UBAP2: variants seen among roughly 807,000 people sequenced by gnomAD.
The protein encoded by UBAP2 is ubiquitin-associated protein 2.
UBAP2 carries 75 observed loss-of-function variants against 139.6 expected under a neutral mutation model. The ratio of observed to expected loss-of-function variants is 0.54; its 90% CI spans 0.45 to 0.65. The LOEUF is 0.65. UBAP2 is among the 30% of genes least tolerant of loss of function. The pLI is 0.00. For missense variants in UBAP2, 1,368 were observed against 1,369.6 expected, an observed-to-expected ratio of 1.00 and a Z score of 0.02; for synonymous variants, 526 against 526.2, an observed-to-expected ratio of 1.00 and a Z score of 0.01.
intron 7 of UBAP2, among the ~76,000 whole-genome samples, chr9:33,972,465 T>A (rs889684584): frequency 3.9e-5 from 6 of 152,202 alleles, no homozygotes; most frequent in African/African-American, 1.4e-4. Context: ...GCAGATTGCA[T>A]GAGGCACCAC....
At position 33,948,371 on chromosome 9, in the gene UBAP2, T is replaced by TC; in HGVS notation, c.1270+2_1270+3insG. Reference sequence around the variant, plus strand: ...GGCAAACCCACAAACAATGTATACCTACCAAGATGACTGAGGACTGAGGAC... The same window carrying TC: ...GGCAAACCCACAAACAATGTATACCTCACCAAGATGACTGAGGACTGAGGAC... On this transcript the variant is annotated splice_region_variant and intron_variant, in intron 13 of 28. Coordinates refer to ENST00000379238, the MANE Select transcript of UBAP2 (RefSeq NM_001370062.2). The TC allele has an allele frequency of 5.6e-6, 9 of 1,605,302 alleles. No homozygotes were observed. Among genetic ancestry groups the TC allele is most frequent in the Non-Finnish European group, 7.7e-6 (9 of 1,173,942 alleles).
At chr9:34,038,018 A>C (rs1246866782) in intron 1 of UBAP2, among the ~76,000 whole-genome samples, 1 of 140,092 alleles carries the variant, frequency 7.1e-6, no homozygotes, top group Non-Finnish European at 1.6e-5. Context: ...AAAAAAAAAA[A>C]ATTAGCTAGG....
At position 34,032,750 on chromosome 9, in the gene UBAP2, C is replaced by T. The variant is rs1389027122; in HGVS notation, c.-41-15561G>A. ...ATCAGCCTGGCCAACATGTCAAAACCCTATCTTTACAAACAATACAAAAAT... is the reference window on the plus strand; with the variant it reads ...ATCAGCCTGGCCAACATGTCAAAACTCTATCTTTACAAACAATACAAAAAT... On this transcript the variant is annotated intron_variant, in intron 1 of 28. Coordinates refer to ENST00000379238, the MANE Select transcript of UBAP2 (RefSeq NM_001370062.2). Among the ~76,000 whole-genome samples the T allele has an allele frequency of 7.1e-4, 108 of 152,060 alleles. 1 individual carries two copies. Among genetic ancestry groups the T allele is most frequent in the Non-Finnish European group, 1.5e-5 (1 of 67,986 alleles).
chr9:33,988,069 C>T (rs1821365898), intron 5 of UBAP2, among the ~76,000 whole-genome samples: 1 of 152,214 alleles, frequency 6.6e-6, no homozygotes, highest in Non-Finnish European at 1.5e-5. Flanking sequence ...TGGCAACCCA[C>T]TTAAATTTGC....
At chr9:33,935,609 C>A in intron 17 of UBAP2, 1 of 581,134 alleles carries the variant, frequency 1.7e-6, no homozygotes, top group South Asian at 2.0e-5. Context: ...ACTTGTGGTG[C>A]AGTCTGATTA....
chr9:33,995,543 A>ATATATAAATATATT lies in UBAP2; in HGVS notation c.288+679_288+680insAATATATTTATATA, dbSNP rs1310871728. 895 of 123,604 alleles carry ATATATAAATATATT rather than the reference A, an allele frequency of 7.2e-3. 13 individuals carry two copies. The highest frequency in any genetic ancestry group is 0.027 in the Middle Eastern group (7 of 256). The allele number at this position is 123,604 out of a possible 1,614,324, so 7.7% of individuals were successfully genotyped here. A position where few individuals can be genotyped will look rare whatever the true frequency, so the allele number is the denominator to read the frequency against. On this transcript the variant is annotated intron_variant, in intron 4 of 28. Transcript: ENST00000379238. ...TATATAAATATATTTATATTATTAA[A>ATATATAAATATATT]TATATTATTAAATAATTTAATTTAA...
chr9:34,039,229 A>AG (rs1212796758), intron 1 of UBAP2, among the ~76,000 whole-genome samples: 15 of 142,978 alleles, frequency 1.0e-4, no homozygotes, highest in South Asian at 2.3e-4. Flanking sequence ...CCCGTTGGGG[A>AG]GTTGGGGGGC....
At chr9:34,032,248 T>TCC (rs1825951129) in intron 1 of UBAP2, among the ~76,000 whole-genome samples, 1 of 152,146 alleles carries the variant, frequency 6.6e-6, no homozygotes, top group African/African-American at 2.4e-5. Context: ...GCTGCAGGAA[T>TCC]CCCCATCTAT....
At chr9:33,977,717 C>G (rs1820278328) in intron 6 of UBAP2, among the ~76,000 whole-genome samples, 1 of 150,442 alleles carries the variant, frequency 6.6e-6, no homozygotes, top group Admixed American at 6.6e-5. Context: ...GGCTGGAGTG[C>G]AGTGGCGTAA....
intron 8 of UBAP2, among the ~76,000 whole-genome samples, chr9:33,969,180 T>C (rs1313782472): frequency 6.6e-6 from 1 of 152,224 alleles, no homozygotes; most frequent in East Asian, 1.9e-4. Context: ...TCAATCTTTT[T>C]GTACAAGATT....
intron 6 of UBAP2, among the ~76,000 whole-genome samples, chr9:33,980,220 C>CTTTCTTTTTTTTTTTTTTTTTTTTT (rs1820522954): frequency 2.0e-5 from 1 of 49,086 alleles, no homozygotes; most frequent in Non-Finnish European, 3.6e-5. Flanking sequence ...AGTGTCATTT[C>CTTTCTTTTTTTTTTTTTTTTTTTTT]TTTTTTTTTT....
intron 4 of UBAP2, among the ~76,000 whole-genome samples, chr9:33,993,976 CCT>C (rs1821936717): frequency 1.3e-5 from 2 of 149,988 alleles, no homozygotes; most frequent in Non-Finnish European, 3.0e-5. Context: ...CTCACTACAA[CCT>C]CTGCTTCCCG....
At chr9:34,025,111 T>C (rs78357135) in intron 1 of UBAP2, among the ~76,000 whole-genome samples, 1 of 152,280 alleles carries the variant, frequency 6.6e-6, no homozygotes, top group Non-Finnish European at 1.5e-5. Flanking sequence ...GACTGAGACA[T>C]GGAAACTAGA....
At chr9:34,014,226 A>G (rs1824035716) in intron 2 of UBAP2, among the ~76,000 whole-genome samples, 1 of 148,542 alleles carries the variant, frequency 6.7e-6, no homozygotes, top group South Asian at 2.2e-4. Context: ...GCTGGGGAGG[A>G]TAAGACAGGA....
In UBAP2 at chr9:33,922,061, A is replaced by G. The variant is rs940926143; in HGVS notation, c.*443T>C. On this transcript the variant is annotated 3_prime_UTR_variant, in exon 29 of 29. Transcript: ENST00000379238. ...AGAGGTATGAAGTAATTACACAGGAAAGAAAACAATTTCCAAAGGAGTGAG... is the reference window on the plus strand; with the variant it reads ...AGAGGTATGAAGTAATTACACAGGAGAGAAAACAATTTCCAAAGGAGTGAG... The G allele has an allele frequency of 4.4e-5, 7 of 160,396 alleles. No homozygotes were observed. The highest frequency in any genetic ancestry group is 6.4e-5 in the Admixed American group (1 of 15,696). 9.9% of individuals were successfully genotyped at this position (160,396 alleles called of 1,614,324 possible). A position where few individuals can be genotyped will look rare whatever the true frequency, so the allele number is the denominator to read the frequency against.
intron 10 of UBAP2, among the ~76,000 whole-genome samples, chr9:33,957,065 G>A (rs1194950633): frequency 6.6e-6 from 1 of 151,440 alleles, no homozygotes; most frequent in Non-Finnish European, 1.5e-5. Context: ...CTCCAGCCTA[G>A]GGGACAAAGT....
intron 16 of UBAP2, among the ~76,000 whole-genome samples, chr9:33,939,122 C>G (rs72727344): frequency 0.079 from 11,854 of 150,242 alleles, 674 homozygotes; most frequent in Non-Finnish European, 0.12. Flanking sequence ...GATTTTATGT[C>G]TCATTAGAGG....
intron 2 of UBAP2, among the ~76,000 whole-genome samples, chr9:34,009,228 A>C (rs971698636): frequency 6.6e-6 from 1 of 151,530 alleles, no homozygotes; most frequent in Non-Finnish European, 1.5e-5. Context: ...CCCTTCAAGT[A>C]GCTGGGATTA....
chr9:34,040,064 C>T (rs953696573), intron 1 of UBAP2, among the ~76,000 whole-genome samples: 7 of 151,470 alleles, frequency 4.6e-5, no homozygotes, highest in Admixed American at 1.3e-4. Flanking sequence ...GAGGCTGAGG[C>T]AGGAGAATCA....
Sources: allele counts gnomAD v4.1 joint callset (sites outside exome capture counted in the v4.1 genomes callset), GRCh38; gene constraint gnomAD v4.1.1; transcripts MANE v1.5; gene names NCBI Gene and HGNC (gene_info 2026-07-23, HGNC 2026-07-21).